Variants in TRPM3 observed in about 807,000 individuals in gnomAD.
TRPM3 encodes transient receptor potential cation channel subfamily M member 3, also known as long transient receptor potential channel 3.
TRPM3 carries 77 observed loss-of-function variants against 181.2 expected under a neutral mutation model. The observed-to-expected ratio is 0.42, with a 90% CI of 0.35 to 0.51. The LOEUF is 0.51. TRPM3 is among the 20% of genes least tolerant of loss of function. TRPM3 has a pLI of 0.01. For missense variants in TRPM3, 1,759 were observed against 2,196.7 expected (o/e 0.80, Z 3.98); for synonymous variants, 745 against 796.4 (o/e 0.94, Z 1.09).
At chr9:71,083,344 A>G (rs529948033) in intron 1 of TRPM3, among the ~76,000 whole-genome samples, 21 of 152,158 alleles carry the variant, frequency 1.4e-4, no homozygotes, top group African/African-American at 5.1e-4. Flanking sequence ...TCGGAAACAA[A>G]TGTTCAGAAA....
At chr9:71,107,558 C>T (rs1334624684) in intron 1 of TRPM3, among the ~76,000 whole-genome samples, 3 of 152,064 alleles carry the variant, frequency 2.0e-5, no homozygotes, top group African/African-American at 7.2e-5. Flanking sequence ...TTTCTAATAC[C>T]TAGCAGAGTT....
At chr9:71,288,406 C>T (rs1294169084) in intron 1 of TRPM3, among the ~76,000 whole-genome samples, 1 of 151,930 alleles carries the variant, frequency 6.6e-6, no homozygotes, top group African/African-American at 2.4e-5. Flanking sequence ...CACATATGTG[C>T]ACATGTGTAT....
At chr9:70,604,103 C>A (rs1165907004) in intron 19 of TRPM3, among the ~76,000 whole-genome samples, 6 of 152,188 alleles carry the variant, frequency 3.9e-5, no homozygotes, top group African/African-American at 1.4e-4. Flanking sequence ...GAAAAGACAA[C>A]ACAGTTTACA....
chr9:70,694,581 C>T (rs1033628284), intron 8 of TRPM3, among the ~76,000 whole-genome samples: 11 of 152,108 alleles, frequency 7.2e-5, no homozygotes, highest in Non-Finnish European at 1.0e-4. Context: ...CCTGGGTTCA[C>T]GCCATTCTCC....
At chr9:70,787,763 C>CTTTTTTTTTTTTTTTTTTTTTCTTT (rs2084071076) in intron 6 of TRPM3, among the ~76,000 whole-genome samples, 4 of 68,558 alleles carry the variant, frequency 5.8e-5, no homozygotes, top group African/African-American at 1.8e-4. Context: ...TTTTTGGATT[C>CTTTTTTTTTTTTTTTTTTTTTCTTT]TTTTTTTTTT....
intron 1 of TRPM3, among the ~76,000 whole-genome samples, chr9:70,881,963 ATTATC>A (rs1355604172): frequency 1.3e-5 from 2 of 152,184 alleles, no homozygotes; most frequent in Non-Finnish European, 2.9e-5. Context: ...AGAGGAATGA[ATTATC>A]TTAAACAATC....
chr9:70,797,466 C>G (rs2087450537), intron 6 of TRPM3, among the ~76,000 whole-genome samples: 1 of 152,180 alleles, frequency 6.6e-6, no homozygotes, highest in Admixed American at 6.5e-5. Context: ...GAAAAGCCCA[C>G]TCCTTTAGTG....
intron 1 of TRPM3, among the ~76,000 whole-genome samples, chr9:70,944,708 A>T (rs1197464990): frequency 3.9e-5 from 6 of 152,156 alleles, no homozygotes; most frequent in Admixed American, 3.9e-4. Flanking sequence ...TAATACAACT[A>T]CAAATTTCCC....
rs765127951 is a variant in TRPM3 at position 70,591,062 on chromosome 9, A to G, written c.3192T>C (p.Ile1064=). 6.2e-7 allele frequency: 1 copy of G among 1,614,106 alleles called. No homozygotes were observed. Among genetic ancestry groups the G allele is most frequent in the South Asian group, 1.1e-5 (1 of 91,076 alleles). Residue 1064 remains isoleucine (I), a synonymous_variant, in exon 22 of 26, where the codon ATT becomes ATC. Transcript: ENST00000677713. ...KNIFYMPYWM[I]YGEVFADQID... ...TCTGGTCCGCAAACACTTCCCCATA[A>G]ATCATCCAATAGGGCATGTAGAAGA... is the stretch of plus-strand genomic sequence containing the variant.
intron 6 of TRPM3, among the ~76,000 whole-genome samples, chr9:70,818,662 T>C (rs1368315670): frequency 2.0e-5 from 3 of 152,252 alleles, no homozygotes; most frequent in African/African-American, 4.8e-5. Context: ...GAGTTAGTTC[T>C]GCCTGTTAAG....
intron 1 of TRPM3, among the ~76,000 whole-genome samples, chr9:70,925,059 GA>G (rs1260424055): frequency 6.6e-6 from 1 of 152,134 alleles, no homozygotes; most frequent in Non-Finnish European, 1.5e-5. Flanking sequence ...GGACTCACTT[GA>G]GTCAGTCAAG....
chr9:71,197,113 A>G (rs1279267795), intron 1 of TRPM3, among the ~76,000 whole-genome samples: 1 of 152,138 alleles, frequency 6.6e-6, no homozygotes, highest in East Asian at 1.9e-4. Flanking sequence ...GAGTGAGAAC[A>G]TGCGATGTTT....
In TRPM3 at chr9:71,442,666, CT is replaced by C. The variant is rs201213739; in HGVS notation, c.183+3986del. 3.9e-5 allele frequency among the ~76,000 whole-genome samples: 6 copies of C among 152,226 alleles called. No individual in the cohort carries two copies. The East Asian group carries it at 1.2e-3, about 29-fold the overall frequency. Reference sequence around the variant, plus strand: ...TATAATTTGGGAGAGGATAAATATACTTAATTGAAATCTAAATTATTTTTCT... The same window carrying C: ...TATAATTTGGGAGAGGATAAATATACTAATTGAAATCTAAATTATTTTTCT... On this transcript the variant is annotated intron_variant, in intron 1 of 24. Transcript: ENST00000357533.
intron 1 of TRPM3, among the ~76,000 whole-genome samples, chr9:71,443,270 T>C (rs1265384409): frequency 6.6e-6 from 1 of 152,128 alleles, no homozygotes; most frequent in Non-Finnish European, 1.5e-5. Context: ...TTCATAAAGC[T>C]TCCATTGTAA....
At chr9:71,088,376 G>A (rs2065645593) in intron 1 of TRPM3, among the ~76,000 whole-genome samples, 1 of 151,946 alleles carries the variant, frequency 6.6e-6, no homozygotes, top group South Asian at 2.1e-4. Flanking sequence ...AGAAATACCT[G>A]GAAGCCTGAA....
chr9:71,146,342 C>G (rs982276357), intron 1 of TRPM3, among the ~76,000 whole-genome samples: 11 of 152,150 alleles, frequency 7.2e-5, no homozygotes, highest in Admixed American at 2.0e-4. Context: ...GAAGCTCCCC[C>G]TCTACCCTGC....
At chr9:71,257,948 T>TACGTGAATATGGCTGTGAAGGACATGA (rs1171700084) in intron 1 of TRPM3, among the ~76,000 whole-genome samples, 2 of 152,156 alleles carry the variant, frequency 1.3e-5, no homozygotes, top group African/African-American at 4.8e-5. Context: ...ATTTGGTCAT[T>TACGTGAATATGGCTGTGAAGGACATGA]ACGTGTTAAA....
chr9:70,646,676 C>A (rs982634854), intron 9 of TRPM3, among the ~76,000 whole-genome samples: 1 of 151,766 alleles, frequency 6.6e-6, no homozygotes, highest in Admixed American at 6.6e-5. Flanking sequence ...ATGTAACAAA[C>A]CTGCATGTTC....
chr9:70,791,538 T>A (rs1024532601), intron 6 of TRPM3, among the ~76,000 whole-genome samples: 1 of 152,342 alleles, frequency 6.6e-6, no homozygotes, highest in Admixed American at 6.5e-5. Flanking sequence ...CCCTTACTGA[T>A]AGTTAACTTA....
Sources: gnomAD v4.1 joint callset for allele counts (sites outside exome capture counted in the v4.1 genomes callset) on GRCh38, gnomAD v4.1.1 for gene constraint, MANE v1.5 for transcripts, NCBI Gene and HGNC (gene_info 2026-07-23, HGNC 2026-07-21) for gene names.